Variants in GYG2 observed in about 807,000 individuals in gnomAD.
The protein encoded by GYG2 is glycogenin 2.
A neutral mutation model predicts 29.4 loss-of-function variants in GYG2; 29 were observed. That is an observed-to-expected ratio of 0.99 (90% CI 0.74 to 1.35). GYG2 has a LOEUF of 1.35. Among genes scored for constraint, GYG2 ranks in the 40% most tolerant of loss-of-function variants. GYG2 has a pLI of 0.00. For missense variants in GYG2, 370 were observed against 385.7 expected, an observed-to-expected ratio of 0.96 and a Z score of 0.34; for synonymous variants, 167 against 172.3, an observed-to-expected ratio of 0.97 and a Z score of 0.24.
chrX:2,851,072 G>A (rs1176321576), intron 3 of GYG2, among the ~76,000 whole-genome samples: 2 of 112,081 alleles, frequency 1.8e-5, no homozygotes, highest in African/African-American at 3.2e-5. Flanking sequence ...AAAAAGATAG[G>A]CTTTCTGAAT....
Position 2,881,501 on chromosome X carries a change from C to T in GYG2, c.*288C>T. ...AGCAGTAATAACATTCTAGTAGACTCTCGATGGTGGTCTCCGCTCTTGCCC... is the reference window on the plus strand; with the variant it reads ...AGCAGTAATAACATTCTAGTAGACTTTCGATGGTGGTCTCCGCTCTTGCCC... On this transcript the variant is annotated 3_prime_UTR_variant, in exon 11 of 11. Transcript: ENST00000398806. 8.3e-6 allele frequency: 2 copies of T among 240,610 alleles called. No homozygotes were observed. Among genetic ancestry groups the T allele is most frequent in the Non-Finnish European group, 1.5e-5 (2 of 135,925 alleles). 19.8% of individuals were successfully genotyped at this position (240,610 alleles called of 1,213,427 possible).
At position 2,875,502 on chromosome X, in the gene GYG2, GACTCACATCACCTCCTCACATTC is replaced by G. The variant is rs374741348; in HGVS notation, c.1039-279_1039-257del. 0.055 allele frequency among the ~76,000 whole-genome samples: 5,971 copies of G among 108,060 alleles called. 254 individuals are homozygous for G. Among genetic ancestry groups the G allele is most frequent in the African/African-American group, 0.14 (4,159 of 29,337 alleles). The allele number at this position is 108,060 out of a possible 115,157, so 93.8% of individuals were successfully genotyped here. A position where few individuals can be genotyped will look rare whatever the true frequency, so the allele number is the denominator to read the frequency against. ...TCCTCTCGTTGCCCAGCCCAGAGGT[GACTCACATCACCTCCTCACATTC>G]ACTCACATCACCTCCTCACATTCAC... On this transcript the variant is annotated intron_variant, in intron 8 of 10. Coordinates refer to ENST00000398806, the MANE Select transcript of GYG2 (RefSeq NM_001079855.2).
At chrX:2,858,140 G>A (rs966444653) in intron 6 of GYG2, among the ~76,000 whole-genome samples, 2 of 110,789 alleles carry the variant, frequency 1.8e-5, no homozygotes, top group African/African-American at 6.6e-5. Context: ...TTTTAATATC[G>A]ATTATTCTAA....
At chrX:2,831,476 G>C (rs1302350116) in intron 2 of GYG2, among the ~76,000 whole-genome samples, 2 of 111,767 alleles carry the variant, frequency 1.8e-5, no homozygotes, top group Non-Finnish European at 3.8e-5. Context: ...TCTGGACTTA[G>C]AGATGAAAAT....
chrX:2,863,098 G>A (rs1042087554), intron 8 of GYG2, among the ~76,000 whole-genome samples: 16 of 106,628 alleles, frequency 1.5e-4, no homozygotes, highest in African/African-American at 2.7e-4. Flanking sequence ...TTTTTGAGGC[G>A]GAGTCTCTCT....
chrX:2,854,417 C>T (rs766697387), intron 4 of GYG2, among the ~76,000 whole-genome samples: 2 of 112,079 alleles, frequency 1.8e-5, no homozygotes, highest in African/African-American at 3.2e-5. Flanking sequence ...GACTGGGTTT[C>T]GCCATGCTGG....
intron 8 of GYG2, among the ~76,000 whole-genome samples, chrX:2,868,477 A>AAAAG (rs1374293449): frequency 1.9e-5 from 2 of 107,387 alleles, no homozygotes; most frequent in African/African-American, 3.4e-5. Flanking sequence ...AAAAAAAAAA[A>AAAAG]GGTATTTTGG....
Position 2,877,241 on chromosome X carries a change from C to T in GYG2, c.1185C>T (p.Thr395=), listed in dbSNP as rs889750943. 2.5e-6 allele frequency: 3 copies of T among 1,210,055 alleles called. No homozygotes were observed. The highest frequency in any genetic ancestry group is 5.9e-5 in the East Asian group (2 of 33,795). ...TCGAAAGTGTCTCATCCGAGGAAAC[C>T]TTCGAACCAAGCCAGGAACTCCCTG... ...NKVESVSSEE[T]FEPSQELPAE... Residue 395 remains threonine (T), a synonymous_variant, in exon 10 of 11, where the codon ACC becomes ACT. Coordinates refer to ENST00000398806, the MANE Select transcript of GYG2 (RefSeq NM_001079855.2).
intron 2 of GYG2, among the ~76,000 whole-genome samples, chrX:2,831,081 G>T (rs1385148225): frequency 3.6e-5 from 4 of 112,486 alleles, no homozygotes; most frequent in Admixed American, 2.8e-4. Context: ...TGACTTAAGA[G>T]GCCTAGATAT....
intron 9 of GYG2, among the ~76,000 whole-genome samples, chrX:2,876,389 A>T (rs2088600763): frequency 1.8e-5 from 2 of 110,831 alleles, no homozygotes; most frequent in Non-Finnish European, 3.8e-5. Flanking sequence ...GCCACATATC[A>T]TCAGAAAACT....
At chrX:2,836,178 G>A (rs957794683) in intron 2 of GYG2, among the ~76,000 whole-genome samples, 1 of 111,347 alleles carries the variant, frequency 9.0e-6, no homozygotes, top group Admixed American at 9.6e-5. Flanking sequence ...GCTTACATTT[G>A]CAGACAATGA....
chrX:2,871,513 AC>A (rs1368164589), intron 8 of GYG2, among the ~76,000 whole-genome samples: 1 of 109,369 alleles, frequency 9.1e-6, no homozygotes, highest in Non-Finnish European at 1.9e-5. Flanking sequence ...ACATGGTGAG[AC>A]CCCCATCTCT....
intron 3 of GYG2, chrX:2,853,704 A>G (rs1232680451): frequency 7.7e-6 from 2 of 261,098 alleles, no homozygotes; most frequent in Non-Finnish European, 6.7e-6. Context: ...GTACATTACT[A>G]AAGTAATATA....
At chrX:2,842,734 ACTC>A (rs1158803865) in intron 2 of GYG2, among the ~76,000 whole-genome samples, 6 of 71,597 alleles carry the variant, frequency 8.4e-5, no homozygotes, top group African/African-American at 2.6e-4. Context: ...GTTCCTTCAT[ACTC>A]CTCCTGTGTT....
At chrX:2,862,852 A>G (rs771328209) in intron 8 of GYG2, among the ~76,000 whole-genome samples, 1 of 109,068 alleles carries the variant, frequency 9.2e-6, no homozygotes, top group Non-Finnish European at 1.9e-5. Context: ...TGAGCCCAGG[A>G]GTACGAGACC....
intron 3 of GYG2, among the ~76,000 whole-genome samples, chrX:2,845,980 AATATATACATATATGTAT>A (rs1479147002): frequency 1.5e-4 from 13 of 84,143 alleles, no homozygotes; most frequent in African/African-American, 3.9e-4. Flanking sequence ...AATTTAAAAA[AATATATACATATATGTAT>A]ATATATACAT....
At chrX:2,879,845 ATAGG>A (rs2088680767) in intron 10 of GYG2, among the ~76,000 whole-genome samples, 1 of 111,315 alleles carries the variant, frequency 9.0e-6, no homozygotes, top group African/African-American at 3.3e-5. Context: ...AGATAGATAA[ATAGG>A]TAGATAGATG....
chrX:2,857,142 A>ACC (rs1310103574), intron 6 of GYG2, among the ~76,000 whole-genome samples: 2 of 108,475 alleles, frequency 1.8e-5, no homozygotes, highest in Non-Finnish European at 3.8e-5. Context: ...ATCTATGTAG[A>ACC]TATTTATCTA....
chrX:2,856,784 CTATCATCT>C (rs1186060720), intron 6 of GYG2, among the ~76,000 whole-genome samples, 160 bp downstream of exon 6: 5 of 77,105 alleles, frequency 6.5e-5, no homozygotes, highest in African/African-American at 2.0e-4. Flanking sequence ...ATCTATCTAT[CTATCATCT>C]ATCTATCATC....
Sources: allele counts gnomAD v4.1 joint callset (sites outside exome capture counted in the v4.1 genomes callset), GRCh38; gene constraint gnomAD v4.1.1; transcripts MANE v1.5; gene names NCBI Gene and HGNC (gene_info 2026-07-23, HGNC 2026-07-21).